The following ACTB variants were observed in gnomAD, a reference collection of about 807,000 sequenced individuals.
The protein encoded by ACTB is actin beta.
A neutral mutation model predicts 30.5 loss-of-function variants in ACTB; 2 were observed. That is an observed-to-expected ratio of 0.07 (90% CI 0.03 to 0.21). ACTB has a LOEUF of 0.21. Ranked by LOEUF, ACTB falls within the 10% of genes least tolerant of loss-of-function variation. The pLI is 1.00. For missense variants in ACTB, 56 were observed against 530.0 expected, an observed-to-expected ratio of 0.11 and a Z score of 8.78; for synonymous variants, 335 against 217.6, an observed-to-expected ratio of 1.54 and a Z score of -4.75.
At chr7:5,529,873 T>C (rs923148617) in intron 1 of ACTB, 2 of 799,750 alleles carry the variant, frequency 2.5e-6, no homozygotes, top group Non-Finnish European at 4.1e-6. Context: ...CCCAACCCCC[T>C]CCCAACCGGG....
chr7:5,530,059 C>A (rs1562720554), intron 1 of ACTB: 1 of 154,280 alleles, frequency 6.5e-6, no homozygotes, highest in African/African-American at 2.4e-5. Flanking sequence ...GGCCGCGGCA[C>A]CCCGGGCCCC....
chr7:5,529,754 C>T, intron 1 of ACTB, 91 bp from the exon 2 acceptor site: 1 of 1,583,742 alleles, frequency 6.3e-7, no homozygotes. Context: ...CAGGGGGCGC[C>T]GGCGCGCGCC....
chr7:5,527,983 T>A, intron 5 of ACTB, 21 bp downstream of exon 5: 1 of 1,613,070 alleles, frequency 6.2e-7, no homozygotes, highest in Non-Finnish European at 8.5e-7. Flanking sequence ...CCAGGTCAGC[T>A]CAGGCAGGAA....
At chr7:5,530,145 T>C (rs553325166) in intron 1 of ACTB, among the ~76,000 whole-genome samples, 1 of 151,998 alleles carries the variant, frequency 6.6e-6, no homozygotes, top group Non-Finnish European at 1.5e-5. Context: ...GCGCACGCAG[T>C]TAGCGCCCAA....
intron 3 of ACTB, 80 bp from the exon 4 acceptor site, chr7:5,528,799 G>A: frequency 3.3e-6 from 5 of 1,538,078 alleles, no homozygotes; most frequent in East Asian, 2.2e-5. Flanking sequence ...TGCAGAAAGT[G>A]CAAAGAACAC....
intron 1 of ACTB, chr7:5,529,883 G>A: frequency 1.4e-6 from 1 of 731,706 alleles, no homozygotes; most frequent in South Asian, 1.5e-5. Context: ...TCCCAACCGG[G>A]CGCCAGCCCC....
rs371726724 is a variant in ACTB at position 5,529,269 on chromosome 7, G to A, written c.255C>T (p.Ile85=). ...IVTNWDDMEK[I]WHHTFYNELR... ...GCTCATTGTAGAAGGTGTGGTGCCA[G>A]ATTTTCTCCATGTCGTCCCAGTTGG... Residue 85 remains isoleucine, a synonymous_variant, in exon 3 of 6, where the codon ATC becomes ATT. Coordinates refer to ENST00000646664, the MANE Select transcript of ACTB (RefSeq NM_001101.5). 12 of 1,613,942 alleles carry A rather than the reference G, an allele frequency of 7.4e-6. No individual in the cohort carries two copies. Among genetic ancestry groups the A allele is most frequent in the South Asian group, 1.1e-5 (1 of 91,096 alleles).
At position 5,530,425 on chromosome 7, in the gene ACTB, C is replaced by G. The variant is rs534829475; in HGVS notation, c.-7+99G>C. The G allele has an allele frequency of 2.6e-5, 4 of 152,308 alleles. No homozygotes were observed. In the South Asian group the frequency reaches 8.3e-4, roughly 31 times the overall value. The allele number at this position is 152,308 out of a possible 1,614,324, so 9.4% of individuals were successfully genotyped here. ...GTCCGGTTCCCCCCCCATGCGCCCCCCGCTGCGGCCCAGACGGCGGCTCTG... is the reference window on the plus strand; with the variant it reads ...GTCCGGTTCCCCCCCCATGCGCCCCGCGCTGCGGCCCAGACGGCGGCTCTG... On this transcript the variant is annotated intron_variant, in intron 1 of 5. Coordinates refer to ENST00000646664, the MANE Select transcript of ACTB (RefSeq NM_001101.5).
At chr7:5,529,076 A>G (rs1220817320) in intron 3 of ACTB, 85 bp downstream of exon 3, 7 of 1,613,244 alleles carry the variant, frequency 4.3e-6, no homozygotes, top group Non-Finnish European at 5.9e-6. Flanking sequence ...AAAACGGCAG[A>G]AGAGAGAACC....
At chr7:5,529,782 A>G (rs757114092) in intron 1 of ACTB, 119 bp from the exon 2 acceptor site, 12 of 1,509,066 alleles carry the variant, frequency 8.0e-6, no homozygotes, top group Non-Finnish European at 1.1e-5. Flanking sequence ...GGGACAAAGG[A>G]AGCCGGGCCG....
In ACTB at chr7:5,529,212, C is replaced by T. The variant is rs749687095; in HGVS notation, c.312G>A (p.Leu104=). The change falls in exon 3 of 6, where the codon CTG becomes CTA. Residue 104 remains leucine (L), a synonymous_variant. Coordinates refer to ENST00000646664, the MANE Select transcript of ACTB (RefSeq NM_001101.5). ...LRVAPEEHPV[L]LTEAPLNPKA... The stretch of plus-strand genomic sequence containing the variant: ...TGGGGTTCAGGGGGGCCTCGGTCAG[C>T]AGCACGGGGTGCTCCTCGGGAGCCA... 3.7e-6 allele frequency: 6 copies of T among 1,613,958 alleles called. No homozygotes were observed. Among genetic ancestry groups the T allele is most frequent in the Admixed American group, 3.3e-5 (2 of 60,010 alleles).
In ACTB at chr7:5,527,549, G is replaced by C; in HGVS notation, c.*199C>G. ...CAATCAAAGTCCTCGGCCACATTGT[G>C]AACTTTGGGGGATGCTCGCTCCAAC... On this transcript the variant is annotated 3_prime_UTR_variant, in exon 6 of 6. Transcript: ENST00000646664. 1.2e-6 allele frequency: 1 copy of C among 823,630 alleles called. No homozygotes were observed. The highest frequency in any genetic ancestry group is 1.9e-6 in the Non-Finnish European group (1 of 534,696). 51.0% of individuals were successfully genotyped at this position (823,630 alleles called of 1,614,324 possible).
rs201113744 is a variant in ACTB, at chr7:5,528,378, G to A, written c.705C>T (p.Ser235=). The change falls in exon 4 of 6, where the codon TCC becomes TCT. Residue 235 remains serine (S), a synonymous_variant. Transcript: ENST00000646664. ...QEMATAASSS[S]LEKSYELPDG... ...CAGGCAGCTCGTAGCTCTTCTCCAG[G>A]GAGGAGCTGGAAGCAGCCGTGGCCA... 1.5e-5 allele frequency: 25 copies of A among 1,613,992 alleles called. No homozygotes were observed. Among genetic ancestry groups the A allele is most frequent in the African/African-American group, 5.3e-5 (4 of 74,930 alleles).
rs574370199 is a variant in ACTB at position 5,529,068 on chromosome 7, A to T, written c.363+93T>A. On this transcript the variant is annotated intron_variant, in intron 3 of 5. Transcript: ENST00000646664. ...GGTCAGAGAAGAGAGTCCTACGGAAAACGGCAGAAGAGAGAACCAGTGAGA... is the reference window on the plus strand; with the variant it reads ...GGTCAGAGAAGAGAGTCCTACGGAATACGGCAGAAGAGAGAACCAGTGAGA... 8 of 1,613,262 alleles carry T rather than the reference A, an allele frequency of 5.0e-6. No homozygotes were observed. In the South Asian group the frequency reaches 7.7e-5, roughly 15 times the overall value.
chr7:5,529,078 G>T (rs541771250), intron 3 of ACTB, 83 bp downstream of exon 3: 3 of 1,613,374 alleles, frequency 1.9e-6, no homozygotes, highest in Non-Finnish European at 2.5e-6. Flanking sequence ...AACGGCAGAA[G>T]AGAGAACCAG....
rs1784790091 is a variant in ACTB, at chr7:5,527,527, T to C, written c.*221A>G. 1 of 696,056 alleles carries C rather than the reference T, an allele frequency of 1.4e-6. No individual in the cohort carries two copies. Among genetic ancestry groups the C allele is most frequent in the Non-Finnish European group, 2.4e-6 (1 of 424,634 alleles). 43.1% of individuals were successfully genotyped at this position (696,056 alleles called of 1,614,324 possible). A position where few individuals can be genotyped will look rare whatever the true frequency, so the allele number is the denominator to read the frequency against. On this transcript the variant is annotated 3_prime_UTR_variant, in exon 6 of 6. Coordinates refer to ENST00000646664, the MANE Select transcript of ACTB (RefSeq NM_001101.5). ...CTATTAAAAAAACAACAATGTGCAA[T>C]CAAAGTCCTCGGCCACATTGTGAAC...
chr7:5,529,839 G>C, intron 1 of ACTB, 176 bp from the exon 2 acceptor site: 3 of 1,087,878 alleles, frequency 2.8e-6, no homozygotes, highest in Non-Finnish European at 2.7e-6. Flanking sequence ...AGGCGTCCCC[G>C]CGGCGCGCGG....
Position 5,527,500 on chromosome 7 carries a change from G to A in ACTB, c.*248C>T, listed in dbSNP as rs1406027299. On this transcript the variant is annotated 3_prime_UTR_variant, in exon 6 of 6. Coordinates refer to ENST00000646664, the MANE Select transcript of ACTB (RefSeq NM_001101.5). ...TAACAACGCATCTCATATTTGGAATGACTATTAAAAAAACAACAATGTGCA... is the reference window on the plus strand; with the variant it reads ...TAACAACGCATCTCATATTTGGAATAACTATTAAAAAAACAACAATGTGCA... 3.3e-6 allele frequency: 2 copies of A among 613,668 alleles called. No individual in the cohort carries two copies. The highest frequency in any genetic ancestry group is 6.2e-5 in the East Asian group (2 of 32,300). 38.0% of individuals were successfully genotyped at this position (613,668 alleles called of 1,614,324 possible). A position where few individuals can be genotyped will look rare whatever the true frequency, so the allele number is the denominator to read the frequency against.
At chr7:5,530,364 G>T (rs973858719) in intron 1 of ACTB, among the ~76,000 whole-genome samples, 160 bp downstream of exon 1, 4 of 151,992 alleles carry the variant, frequency 2.6e-5, no homozygotes, top group Non-Finnish European at 4.4e-5. Flanking sequence ...CCCCATCTCC[G>T]GAGGCCCAGG....
Sources: gnomAD v4.1 joint callset for allele counts (sites outside exome capture counted in the v4.1 genomes callset) on GRCh38, gnomAD v4.1.1 for gene constraint, MANE v1.5 for transcripts, NCBI Gene and HGNC (gene_info 2026-07-23, HGNC 2026-07-21) for gene names.